PIN4: variants seen among roughly 807,000 people sequenced by gnomAD.
The protein encoded by PIN4 is peptidyl-prolyl cis-trans isomerase NIMA-interacting 4.
Under a neutral mutation model 8.3 loss-of-function variants are expected in PIN4, and 3 were observed. The observed-to-expected ratio is 0.36, with a 90% CI of 0.16 to 0.93. The LOEUF (loss-of-function observed/expected upper bound fraction) is 0.93. PIN4 is among the 40% of genes least tolerant of loss of function. The pLI, the probability that PIN4 is intolerant of heterozygous loss-of-function variation, is 0.44. For synonymous variants in PIN4, 18 were observed against 32.5 expected (o/e 0.55, Z 1.52); for missense variants, 75 against 100.6 (o/e 0.75, Z 1.09).
intron 3 of PIN4, among the ~76,000 whole-genome samples, chrX:72,260,110 T>A (rs2043132064): frequency 9.0e-6 from 1 of 110,924 alleles, no homozygotes; most frequent in Non-Finnish European, 1.9e-5. Flanking sequence ...GCCACACATA[T>A]AAGAGCCTTG....
chrX:72,198,338 A>C lies in PIN4; in HGVS notation c.*812A>C. The C allele has an allele frequency of 1.4e-6, 1 of 737,054 alleles. No individual in the cohort carries two copies. The highest frequency in any genetic ancestry group is 1.6e-6 in the Non-Finnish European group (1 of 623,167). 60.7% of individuals were successfully genotyped at this position (737,054 alleles called of 1,213,427 possible). On this transcript the variant is annotated 3_prime_UTR_variant, in exon 4 of 4. Transcript: ENST00000373669. Reference sequence around the variant, plus strand: ...GCTTCAAAAATAAAACTTTGCCAACACAGCTATGTGATTCTTAACAGATTA... The same window carrying C: ...GCTTCAAAAATAAAACTTTGCCAACCCAGCTATGTGATTCTTAACAGATTA...
chrX:72,238,716 A>C, intron 3 of PIN4: 1 of 577,136 alleles, frequency 1.7e-6, no homozygotes, highest in Non-Finnish European at 2.7e-6. Context: ...TACTGCGAGA[A>C]GAGCGCGAGC....
At chrX:72,262,624 A>C in intron 3 of PIN4, 171 of 503,600 alleles carry the variant, frequency 3.4e-4, no homozygotes, top group Non-Finnish European at 4.7e-4. Flanking sequence ...CCATGCAGAC[A>C]AGGGCCCTCC....
exon 4 of PIN4, chrX:72,263,941 T>A (rs1462952044): frequency 8.9e-6 from 1 of 112,115 alleles, no homozygotes; most frequent in Non-Finnish European, 1.9e-5. Context: ...CTGGACATGG[T>A]GTCTCAGGCC....
intron 2 of PIN4, among the ~76,000 whole-genome samples, chrX:72,192,039 T>TGC: frequency 9.0e-6 from 1 of 110,637 alleles, no homozygotes; most frequent in Non-Finnish European, 1.9e-5. Flanking sequence ...GCAACCTCCA[T>TGC]CTCCCAGTTT....
At chrX:72,236,289 A>T (rs2043016574) in intron 3 of PIN4, among the ~76,000 whole-genome samples, 1 of 111,490 alleles carries the variant, frequency 9.0e-6, no homozygotes, top group African/African-American at 3.3e-5. Flanking sequence ...CTTCATCTCT[A>T]CAAAAATCTT....
At chrX:72,238,994 G>C in intron 3 of PIN4, 3 of 978,548 alleles carry the variant, frequency 3.1e-6, no homozygotes, top group Non-Finnish European at 4.3e-6. Context: ...TTAGAGTTTG[G>C]AGCTTGAATT....
chrX:72,196,458 C>T (rs1162997652), intron 2 of PIN4, among the ~76,000 whole-genome samples: 2 of 107,548 alleles, frequency 1.9e-5, no homozygotes, highest in South Asian at 4.1e-4. Context: ...TGCTTGAACC[C>T]GGGAGGCAGA....
intron 3 of PIN4, among the ~76,000 whole-genome samples, chrX:72,259,010 T>A (rs1224062523): frequency 2.7e-5 from 3 of 111,862 alleles, no homozygotes; most frequent in African/African-American, 9.8e-5. Flanking sequence ...TGCTTTTTCC[T>A]GTGATGACTA....
intron 3 of PIN4, among the ~76,000 whole-genome samples, chrX:72,250,100 G>A (rs2043080926): frequency 9.2e-6 from 1 of 108,669 alleles, no homozygotes; most frequent in South Asian, 4.1e-4. Context: ...AGACTTTTCA[G>A]AGATGCCCAT....
At chrX:72,250,332 C>T (rs886930339) in intron 3 of PIN4, among the ~76,000 whole-genome samples, 4 of 110,225 alleles carry the variant, frequency 3.6e-5, no homozygotes, top group Admixed American at 2.9e-4. Flanking sequence ...CATGGTGGTA[C>T]GTGCCTATAG....
intron 3 of PIN4, among the ~76,000 whole-genome samples, chrX:72,247,193 CT>C (rs1189696299): frequency 8.9e-6 from 1 of 112,049 alleles, no homozygotes; most frequent in Admixed American, 9.5e-5. Context: ...AATACTACCC[CT>C]GTCTCCCTTT....
chrX:72,219,964 C>T (rs758619670), intron 3 of PIN4, among the ~76,000 whole-genome samples: 114 of 111,372 alleles, frequency 1.0e-3, no homozygotes, highest in South Asian at 8.3e-3. Flanking sequence ...AGCCTTTAGT[C>T]TTTCACCATT....
intron 3 of PIN4, among the ~76,000 whole-genome samples, chrX:72,243,138 A>G (rs2043055552): frequency 9.0e-6 from 1 of 111,113 alleles, no homozygotes; most frequent in Admixed American, 9.6e-5. Flanking sequence ...CAACATGGTG[A>G]AACCCCATCT....
At chrX:72,259,882 C>T (rs1416919898) in intron 3 of PIN4, among the ~76,000 whole-genome samples, 1 of 107,719 alleles carries the variant, frequency 9.3e-6, no homozygotes, top group Non-Finnish European at 1.9e-5. Flanking sequence ...AGGTGCTTGC[C>T]ACCATACCTG....
At chrX:72,209,833 C>T (rs768655329) in intron 3 of PIN4, among the ~76,000 whole-genome samples, 1 of 111,225 alleles carries the variant, frequency 9.0e-6, no homozygotes, top group Non-Finnish European at 1.9e-5. Flanking sequence ...TCAGTAAGGG[C>T]GCCAAAATAA....
At chrX:72,195,933 A>G (rs1313420223) in intron 2 of PIN4, among the ~76,000 whole-genome samples, 1 of 109,899 alleles carries the variant, frequency 9.1e-6, no homozygotes, top group Admixed American at 9.8e-5. Context: ...GGCCTGGCCA[A>G]CGTGGTGAAA....
chrX:72,243,335 C>T (rs918923530), intron 3 of PIN4, among the ~76,000 whole-genome samples: 4 of 111,115 alleles, frequency 3.6e-5, no homozygotes, highest in African/African-American at 1.3e-4. Flanking sequence ...ACAAAAAAAG[C>T]TCTCCCTAAT....
At chrX:72,219,489 G>A (rs1412025335) in intron 3 of PIN4, among the ~76,000 whole-genome samples, 1 of 109,237 alleles carries the variant, frequency 9.2e-6, no homozygotes, top group Non-Finnish European at 1.9e-5. Flanking sequence ...GGGAGATGGA[G>A]GTTGCAGTAA....
Sources: gnomAD v4.1 joint callset for allele counts (sites outside exome capture counted in the v4.1 genomes callset) on GRCh38, gnomAD v4.1.1 for gene constraint, MANE v1.5 for transcripts, NCBI Gene and HGNC (gene_info 2026-07-23, HGNC 2026-07-21) for gene names.